CACNA1C: variants seen among roughly 807,000 people sequenced by gnomAD.
CACNA1C encodes the protein voltage-dependent L-type calcium channel subunit alpha-1C.
CACNA1C carries 30 observed loss-of-function variants against 229.0 expected under a neutral mutation model. The observed-to-expected ratio is 0.13, with a 90% CI of 0.10 to 0.18. The LOEUF (loss-of-function observed/expected upper bound fraction) is 0.18. Among genes scored for constraint, CACNA1C ranks in the 10% least tolerant of loss-of-function variants. CACNA1C has a pLI of 1.00. For synonymous variants in CACNA1C, 1,114 were observed against 1,132.5 expected (o/e 0.98, Z 0.33); for missense variants, 1,658 against 2,845.0 (o/e 0.58, Z 9.49).
rs1354492995 is a variant in CACNA1C at position 2,135,561 on chromosome 12, C to A, written c.477+15131C>A. ...TCAGCTGCAGGTCTGTTGGAGTACC[C>A]TGCTGTGAGAGGTGTCAGTCTGCCC... On this transcript the variant is annotated intron_variant, in intron 3 of 46. Transcript: ENST00000399655. Among the ~76,000 whole-genome samples the A allele has an allele frequency of 6.0e-5, 8 of 132,678 alleles. 1 individual carries two copies. Among genetic ancestry groups the A allele is most frequent in the South Asian group, 2.3e-4 (1 of 4,350 alleles). The allele number at this position is 132,678 out of a possible 152,430, so 87.0% of individuals were successfully genotyped here.
intron 3 of CACNA1C, among the ~76,000 whole-genome samples, chr12:2,415,011 C>A (rs889240998): frequency 4.6e-5 from 7 of 152,210 alleles, no homozygotes; most frequent in Non-Finnish European, 7.3e-5. Context: ...GCACCCGACA[C>A]GGTCTGTGTG....
chr12:2,619,708 G>A (rs970732827), intron 29 of CACNA1C, among the ~76,000 whole-genome samples: 6 of 151,952 alleles, frequency 3.9e-5, no homozygotes, highest in East Asian at 3.9e-4. Flanking sequence ...GCCATTCTTC[G>A]TATTCTTTAT....
intron 3 of CACNA1C, among the ~76,000 whole-genome samples, chr12:2,422,104 C>G (rs553597817): frequency 2.4e-4 from 37 of 152,258 alleles, no homozygotes; most frequent in African/African-American, 7.2e-4. Flanking sequence ...AAAATAGAAA[C>G]AAAATGCGGC....
intron 3 of CACNA1C, among the ~76,000 whole-genome samples, chr12:2,329,016 G>T (rs1200735434): frequency 6.6e-6 from 1 of 152,080 alleles, no homozygotes; most frequent in African/African-American, 2.4e-5. Context: ...ATTTTTTCAG[G>T]ATCAATGACA....
At chr12:2,262,556 A>G (rs1268721692) in intron 3 of CACNA1C, among the ~76,000 whole-genome samples, 2 of 152,212 alleles carry the variant, frequency 1.3e-5, no homozygotes, top group Non-Finnish European at 2.9e-5. Flanking sequence ...GCAGGGAGCC[A>G]GGATCAGGAA....
chr12:2,205,832 G>A (rs2097741769), intron 3 of CACNA1C, among the ~76,000 whole-genome samples: 1 of 152,190 alleles, frequency 6.6e-6, no homozygotes, highest in Non-Finnish European at 1.5e-5. Flanking sequence ...GGTGTCTGGT[G>A]AGGGCCTTCT....
intron 3 of CACNA1C, among the ~76,000 whole-genome samples, chr12:2,310,514 A>G (rs1015747725): frequency 6.6e-6 from 1 of 152,186 alleles, no homozygotes; most frequent in South Asian, 2.1e-4. Flanking sequence ...AGAGCTTGGC[A>G]TTGTCGACTC....
chr12:2,661,852 T>C (rs10161275), intron 34 of CACNA1C, among the ~76,000 whole-genome samples: 92,917 of 152,120 alleles, frequency 0.61, 30,367 homozygotes, highest in Non-Finnish European at 0.73. Flanking sequence ...ATAATTGCTT[T>C]CCTGTACTGG....
chr12:2,090,645 T>G (rs541498348), intron 1 of CACNA1C, among the ~76,000 whole-genome samples: 39 of 152,328 alleles, frequency 2.6e-4, no homozygotes, highest in African/African-American at 9.4e-4. Context: ...TGTTTGTCCA[T>G]TCTTCTGTCA....
Position 2,697,109 on chromosome 12 carries a change from A to T in CACNA1C, c.*5910A>T, listed in dbSNP as rs2097848057. On this transcript the variant is annotated 3_prime_UTR_variant, in exon 47 of 47. Transcript: ENST00000399655. ...TCAGGAGGTGTCTCCAGCATCCCAA[A>T]GCTGTGCGCACCTTCTCTTTTCCTG... The T allele has an allele frequency of 6.6e-6, 1 of 152,304 alleles. No individual in the cohort carries two copies. Among genetic ancestry groups the T allele is most frequent in the South Asian group, 2.1e-4 (1 of 4,826 alleles). 9.4% of individuals were successfully genotyped at this position (152,304 alleles called of 1,614,324 possible).
intron 1 of CACNA1C, among the ~76,000 whole-genome samples, chr12:2,091,005 G>A (rs1369304831): frequency 6.6e-6 from 1 of 152,186 alleles, no homozygotes; most frequent in African/African-American, 2.4e-5. Context: ...TTGGCCATGT[G>A]TATATCATCT....
chr12:2,059,229 A>G (rs1215875062), intron 1 of CACNA1C, among the ~76,000 whole-genome samples: 1 of 152,090 alleles, frequency 6.6e-6, no homozygotes, highest in African/African-American at 2.4e-5. Flanking sequence ...GCTGAGATGC[A>G]GAAGGTGAGG....
intron 3 of CACNA1C, among the ~76,000 whole-genome samples, chr12:2,173,588 G>A (rs2096559749): frequency 6.6e-6 from 1 of 152,114 alleles, no homozygotes; most frequent in Non-Finnish European, 1.5e-5. Context: ...TCTATGTGCA[G>A]TGTGTGTTTT....
At chr12:2,381,571 C>G (rs1432875372) in intron 3 of CACNA1C, among the ~76,000 whole-genome samples, 2 of 152,226 alleles carry the variant, frequency 1.3e-5, no homozygotes, top group African/African-American at 4.8e-5. Flanking sequence ...AAGCCTGGCT[C>G]CTTGCCTCCA....
intron 9 of CACNA1C, among the ~76,000 whole-genome samples, chr12:2,548,830 A>G (rs1769174489): frequency 6.6e-6 from 1 of 152,160 alleles, no homozygotes; most frequent in African/African-American, 2.4e-5. Flanking sequence ...ACTTGTCACC[A>G]GAGGCCACTC....
intron 3 of CACNA1C, among the ~76,000 whole-genome samples, chr12:2,383,751 A>C (rs1409664866): frequency 6.6e-6 from 1 of 152,354 alleles, no homozygotes; most frequent in African/African-American, 2.4e-5. Flanking sequence ...AATACAGTGA[A>C]GTACCCTTTG....
intron 7 of CACNA1C, among the ~76,000 whole-genome samples, chr12:2,502,382 A>T (rs770933639): frequency 7.2e-5 from 11 of 152,242 alleles, no homozygotes; most frequent in Admixed American, 7.2e-4. Flanking sequence ...ACATTCTAGC[A>T]TGGAAGACAA....
intron 3 of CACNA1C, among the ~76,000 whole-genome samples, chr12:2,401,079 C>A (rs1474546353): frequency 6.6e-6 from 1 of 152,218 alleles, no homozygotes; most frequent in Non-Finnish European, 1.5e-5. Context: ...TCTCCCAGCT[C>A]CTGCCCACAG....
At chr12:2,111,823 C>G (rs2081879459) in intron 1 of CACNA1C, among the ~76,000 whole-genome samples, 1 of 152,168 alleles carries the variant, frequency 6.6e-6, no homozygotes, top group South Asian at 2.1e-4. Flanking sequence ...CTCAGTGGCT[C>G]CAGTACAGCA....
Sources: gnomAD v4.1 joint callset for allele counts (sites outside exome capture counted in the v4.1 genomes callset) on GRCh38, gnomAD v4.1.1 for gene constraint, MANE v1.5 for transcripts, NCBI Gene and HGNC (gene_info 2026-07-23, HGNC 2026-07-21) for gene names.